SYN3: variants seen among roughly 807,000 people sequenced by gnomAD.
The protein encoded by SYN3 is synapsin-3.
Under a neutral mutation model 65.8 loss-of-function variants are expected in SYN3, and 35 were observed. That is an observed-to-expected ratio of 0.53 (90% CI 0.41 to 0.70). SYN3 has a LOEUF of 0.70. Among genes scored for constraint, SYN3 ranks in the 30% least tolerant of loss-of-function variants. SYN3 has a pLI of 0.00. For synonymous variants in SYN3, 270 were observed against 292.9 expected, an observed-to-expected ratio of 0.92 and a Z score of 0.80; for missense variants, 680 against 749.0, an observed-to-expected ratio of 0.91 and a Z score of 1.08.
At chr22:32,861,317 C>A (rs925148097) in intron 6 of SYN3, 2 of 152,254 alleles carry the variant, frequency 1.3e-5, no homozygotes, top group Admixed American at 1.3e-4. Flanking sequence ...TTACCGTGTA[C>A]CTTTCCCATT....
At chr22:32,591,159 G>A (rs1383090030) in intron 7 of SYN3, among the ~76,000 whole-genome samples, 1 of 152,016 alleles carries the variant, frequency 6.6e-6, no homozygotes, top group East Asian at 1.9e-4. Flanking sequence ...TAGGTGGTGT[G>A]ACCTAGATTC....
At chr22:32,520,564 T>C (rs1267875202) in intron 12 of SYN3, among the ~76,000 whole-genome samples, 1 of 152,204 alleles carries the variant, frequency 6.6e-6, no homozygotes. Context: ...TATTACTTTT[T>C]CCTTTATGAA....
chr22:32,996,761 C>A (rs1481233503), intron 2 of SYN3, among the ~76,000 whole-genome samples: 1 of 152,212 alleles, frequency 6.6e-6, no homozygotes, highest in African/African-American at 2.4e-5. Flanking sequence ...AATTTGCAAA[C>A]CTGAACTCGT....
intron 1 of SYN3, among the ~76,000 whole-genome samples, chr22:33,040,031 T>C (rs1394125048): frequency 1.3e-5 from 2 of 149,248 alleles, no homozygotes; most frequent in Non-Finnish European, 2.9e-5. Context: ...ACACTTTTTT[T>C]TTCTTTTTTT....
intron 7 of SYN3, among the ~76,000 whole-genome samples, chr22:32,585,443 T>C (rs2059009390): frequency 6.6e-6 from 1 of 152,142 alleles, no homozygotes; most frequent in Admixed American, 6.5e-5. Context: ...ATTCACTAGC[T>C]CTCCCAAGTG....
At chr22:33,022,060 C>T (rs2053569644) in intron 1 of SYN3, among the ~76,000 whole-genome samples, 1 of 152,146 alleles carries the variant, frequency 6.6e-6, no homozygotes, top group Admixed American at 6.5e-5. Flanking sequence ...ACACATAAAC[C>T]TAAGTTGAAC....
intron 6 of SYN3, among the ~76,000 whole-genome samples, chr22:32,780,084 G>A (rs141836613): frequency 0.21 from 402 of 1,874 alleles, 1 homozygote; most frequent in African/African-American, 0.36. Flanking sequence ...AAAAAAGAGA[G>A]AGAAAAAAAG....
At chr22:32,855,838 A>C (rs965383866) in intron 6 of SYN3, among the ~76,000 whole-genome samples, 7 of 152,220 alleles carry the variant, frequency 4.6e-5, no homozygotes, top group Non-Finnish European at 2.9e-5. Flanking sequence ...ACTGTATTAG[A>C]TTATGTCGTA....
At chr22:32,934,657 A>G (rs1334624763) in intron 3 of SYN3, among the ~76,000 whole-genome samples, 1 of 152,182 alleles carries the variant, frequency 6.6e-6, no homozygotes, top group Non-Finnish European at 1.5e-5. Context: ...CATTTGGAAG[A>G]CTCTCATGAA....
intron 6 of SYN3, among the ~76,000 whole-genome samples, chr22:32,845,232 C>T (rs1187582060): frequency 2.0e-5 from 3 of 152,000 alleles, no homozygotes; most frequent in Non-Finnish European, 4.4e-5. Flanking sequence ...GAATCTCGCT[C>T]TGTTTCCAGG....
Position 32,949,605 on chromosome 22 carries a change from G to C in SYN3, c.370-18124C>G, listed in dbSNP as rs945268838. 1.9e-4 allele frequency among the ~76,000 whole-genome samples: 29 copies of C among 152,136 alleles called. 1 individual carries two copies. The highest frequency in any genetic ancestry group is 7.0e-4 in the African/African-American group (29 of 41,426). On this transcript the variant is annotated intron_variant, in intron 3 of 13. Coordinates refer to ENST00000358763, the MANE Select transcript of SYN3 (RefSeq NM_003490.4). ...AGAGATGGAATGCATTCAATTTCCT[G>C]TAGGGTCTTTGGCTGCATTTTCACC...
At chr22:32,873,063 G>T (rs1276026063) in intron 4 of SYN3, among the ~76,000 whole-genome samples, 1 of 150,256 alleles carries the variant, frequency 6.7e-6, no homozygotes, top group Non-Finnish European at 1.5e-5. Context: ...CAGTTCTCCT[G>T]TCTCAGCCTC....
chr22:32,668,195 CAGA>C (rs1206751537), intron 6 of SYN3, among the ~76,000 whole-genome samples: 1 of 152,160 alleles, frequency 6.6e-6, no homozygotes, highest in Non-Finnish European at 1.5e-5. Flanking sequence ...CTCATAGATG[CAGA>C]AGTAGAAAGT....
At chr22:32,865,644 G>A (rs1190029609) in intron 5 of SYN3, among the ~76,000 whole-genome samples, 1 of 152,192 alleles carries the variant, frequency 6.6e-6, no homozygotes, top group Non-Finnish European at 1.5e-5. Flanking sequence ...AACAGCTCAA[G>A]CCACATCCCT....
intron 7 of SYN3, among the ~76,000 whole-genome samples, chr22:32,583,600 T>C (rs2058980338): frequency 6.6e-6 from 1 of 152,200 alleles, no homozygotes; most frequent in African/African-American, 2.4e-5. Context: ...GCAAATCATT[T>C]CTCCTCTTTG....
In SYN3 at chr22:32,586,806, G is replaced by T. The variant is rs537288798; in HGVS notation, c.774+9868C>A. Among the ~76,000 whole-genome samples, 7 of 152,336 alleles carry T rather than the reference G, an allele frequency of 4.6e-5. No homozygotes were observed. The East Asian group carries it at 1.2e-3, about 25-fold the overall frequency. On this transcript the variant is annotated intron_variant, in intron 7 of 13. Transcript: ENST00000358763. Reference sequence around the variant, plus strand: ...TGAATGATGAGGATGGACTGTGTATGTTGCATTTGTGGAGAGGACAACTTC... The same window carrying T: ...TGAATGATGAGGATGGACTGTGTATTTTGCATTTGTGGAGAGGACAACTTC...
intron 2 of SYN3, among the ~76,000 whole-genome samples, chr22:32,988,347 AAAAT>A (rs1192995264): frequency 2.1e-5 from 3 of 143,392 alleles, no homozygotes; most frequent in African/African-American, 7.9e-5. Context: ...TAATAATAAT[AAAAT>A]AAATAGATAA....
intron 1 of SYN3, among the ~76,000 whole-genome samples, chr22:33,029,331 C>A (rs548168360): frequency 6.6e-6 from 1 of 152,110 alleles, no homozygotes; most frequent in African/African-American, 2.4e-5. Flanking sequence ...CAGGCCACCA[C>A]CTCCAACTTT....
rs2052350255 is a variant in SYN3, at chr22:32,980,833, T to C, written c.312-131A>G. ...AGCCATCCTACTGTCTCCTCCCACCTTCACTACTGATTTTCTCAGTCTTTT... is the reference window on the plus strand; with the variant it reads ...AGCCATCCTACTGTCTCCTCCCACCCTCACTACTGATTTTCTCAGTCTTTT... On this transcript the variant is annotated intron_variant, in intron 2 of 13. Transcript: ENST00000358763. The C allele has an allele frequency of 1.1e-5, 8 of 726,048 alleles. No homozygotes were observed. In the South Asian group the frequency reaches 1.3e-4, roughly 12 times the overall value. The allele number at this position is 726,048 out of a possible 1,614,324, so 45.0% of individuals were successfully genotyped here.
Sources: allele counts gnomAD v4.1 joint callset (sites outside exome capture counted in the v4.1 genomes callset), GRCh38; gene constraint gnomAD v4.1.1; transcripts MANE v1.5; gene names NCBI Gene and HGNC (gene_info 2026-07-23, HGNC 2026-07-21).